The following RSU1 variants were observed in gnomAD, a reference collection of about 807,000 sequenced individuals.
The protein encoded by RSU1 is Ras suppressor protein 1, also known as rsu-1.
Under a neutral mutation model 31.1 loss-of-function variants are expected in RSU1, and 26 were observed. The ratio of observed to expected loss-of-function variants is 0.84; its 90% confidence interval spans 0.61 to 1.16. The LOEUF is 1.16. RSU1 is among the 50% of genes most tolerant of loss of function. RSU1 has a pLI of 0.00. For missense variants in RSU1, 320 were observed against 339.1 expected (o/e 0.94, Z 0.44); for synonymous variants, 164 against 136.3 (o/e 1.20, Z -1.41).
chr10:16,627,756 T>C (rs1441017916), intron 8 of RSU1, among the ~76,000 whole-genome samples: 1 of 97,612 alleles, frequency 1.0e-5, no homozygotes, highest in East Asian at 2.7e-4. Context: ...AAACTCCATC[T>C]CAATACAAAA....
intron 7 of RSU1, among the ~76,000 whole-genome samples, chr10:16,695,721 C>G (rs1308249426): frequency 6.6e-6 from 1 of 152,188 alleles, no homozygotes; most frequent in Non-Finnish European, 1.5e-5. Flanking sequence ...AAAATCATTC[C>G]TCATTTCATT....
intron 8 of RSU1, among the ~76,000 whole-genome samples, chr10:16,664,637 C>T (rs186269539): frequency 4.6e-4 from 70 of 152,304 alleles, no homozygotes; most frequent in Admixed American, 1.2e-3. Context: ...ATGGGAACTA[C>T]ACTTTTTACC....
At chr10:16,789,524 C>G (rs1837868479) in intron 2 of RSU1, among the ~76,000 whole-genome samples, 1 of 152,194 alleles carries the variant, frequency 6.6e-6, no homozygotes, top group Non-Finnish European at 1.5e-5. Context: ...CTCCTTTCCA[C>G]TCGGGAATGG....
chr10:16,679,855 C>T (rs998038984), intron 8 of RSU1, among the ~76,000 whole-genome samples: 1 of 138,708 alleles, frequency 7.2e-6, no homozygotes, highest in Admixed American at 7.5e-5. Flanking sequence ...TCATCTGGCA[C>T]AATAAAGACT....
chr10:16,645,282 T>C (rs919075893), intron 8 of RSU1, among the ~76,000 whole-genome samples: 1 of 152,214 alleles, frequency 6.6e-6, no homozygotes, highest in Non-Finnish European at 1.5e-5. Context: ...GTATTCATTC[T>C]AGGTGAGATT....
At chr10:16,596,080 TG>T (rs1200013259) in intron 8 of RSU1, among the ~76,000 whole-genome samples, 3 of 152,146 alleles carry the variant, frequency 2.0e-5, no homozygotes, top group African/African-American at 4.8e-5. Context: ...CATGGGCACC[TG>T]GGGGTCCTGG....
intron 8 of RSU1, among the ~76,000 whole-genome samples, chr10:16,660,871 T>A (rs1445533362): frequency 6.6e-6 from 1 of 152,050 alleles, no homozygotes; most frequent in African/African-American, 2.4e-5. Flanking sequence ...GTCCTCGAAC[T>A]CCTGGCCTCA....
At chr10:16,700,173 A>C (rs1835760738) in intron 7 of RSU1, among the ~76,000 whole-genome samples, 1 of 152,184 alleles carries the variant, frequency 6.6e-6, no homozygotes, top group Admixed American at 6.5e-5. Flanking sequence ...ATCACATAGT[A>C]AGCAATCGAG....
intron 8 of RSU1, among the ~76,000 whole-genome samples, chr10:16,598,423 ACCTGTAGTC>A (rs1421840919): frequency 2.0e-5 from 3 of 151,842 alleles, no homozygotes; most frequent in African/African-American, 7.3e-5. Flanking sequence ...GGTGGAGCAC[ACCTGTAGTC>A]CCAGCTACTT....
At chr10:16,620,948 G>C (rs1221031283) in intron 8 of RSU1, among the ~76,000 whole-genome samples, 2 of 152,076 alleles carry the variant, frequency 1.3e-5, no homozygotes, top group Non-Finnish European at 2.9e-5. Flanking sequence ...GGGCAGTCCT[G>C]AAACCAGAAT....
chr10:16,624,545 C>G (rs1253088974), intron 8 of RSU1, among the ~76,000 whole-genome samples: 1 of 152,172 alleles, frequency 6.6e-6, no homozygotes, highest in Non-Finnish European at 1.5e-5. Flanking sequence ...GTATGATACC[C>G]TCCCATCACT....
At chr10:16,640,221 G>GT (rs1445023889) in intron 8 of RSU1, among the ~76,000 whole-genome samples, 12 of 152,232 alleles carry the variant, frequency 7.9e-5, no homozygotes, top group African/African-American at 2.9e-4. Flanking sequence ...TTTAGATCCT[G>GT]TATTTATTTT....
chr10:16,642,564 T>G (rs999241861), intron 8 of RSU1, among the ~76,000 whole-genome samples: 3 of 152,188 alleles, frequency 2.0e-5, no homozygotes, highest in Non-Finnish European at 2.9e-5. Flanking sequence ...TCTTTTAATA[T>G]GGTAGGTAAA....
intron 2 of RSU1, among the ~76,000 whole-genome samples, chr10:16,811,117 C>G (rs1339340726): frequency 6.6e-6 from 1 of 151,292 alleles, no homozygotes; most frequent in Non-Finnish European, 1.5e-5. Context: ...TGTATAAAGA[C>G]ACACACACTC....
intron 3 of RSU1, among the ~76,000 whole-genome samples, chr10:16,772,519 GA>G (rs1195792577): frequency 6.6e-6 from 1 of 151,618 alleles, no homozygotes; most frequent in East Asian, 1.9e-4. Flanking sequence ...GCACTGAGAG[GA>G]AAGGAAATGG....
intron 8 of RSU1, among the ~76,000 whole-genome samples, chr10:16,623,203 T>C (rs111393542): frequency 0.012 from 1,896 of 152,324 alleles, 39 homozygotes; most frequent in African/African-American, 0.042. Flanking sequence ...CTGCCTCTAG[T>C]AGCCCTCAGT....
At chr10:16,611,539 T>G (rs1032273189) in intron 8 of RSU1, among the ~76,000 whole-genome samples, 1 of 152,226 alleles carries the variant, frequency 6.6e-6, no homozygotes, top group African/African-American at 2.4e-5. Flanking sequence ...AACTGTTGAT[T>G]TGTTTCCAAA....
rs200740920 is a variant in RSU1 at position 16,695,115 on chromosome 10, T to G, written c.639A>C (p.Ala213=). The stretch of plus-strand genomic sequence containing the variant: ...TGGGGGTCACCCAGGGATTGTTCTC[T>G]GCTTTGAATACCTGCTTCTGGCCAG... The part of the protein sequence containing the change: ...DLTGQKQVFK[A]ENNPWVTPIA... The change falls in exon 8 of 9, where the codon GCA becomes GCC. Residue 213 remains alanine, a synonymous_variant. Coordinates refer to ENST00000345264, the MANE Select transcript of RSU1 (RefSeq NM_012425.4). 11 of 1,552,398 alleles carry G rather than the reference T, an allele frequency of 7.1e-6. No individual in the cohort carries two copies. The highest frequency in any genetic ancestry group is 2.2e-5 in the South Asian group (2 of 89,854).
chr10:16,726,261 A>G (rs912379163), intron 7 of RSU1, among the ~76,000 whole-genome samples: 1 of 148,204 alleles, frequency 6.7e-6, no homozygotes, highest in African/African-American at 2.6e-5. Flanking sequence ...TATCTTAGGA[A>G]CGTATCTTTT....
Sources: allele counts gnomAD v4.1 joint callset (sites outside exome capture counted in the v4.1 genomes callset), GRCh38; gene constraint gnomAD v4.1.1; transcripts MANE v1.5; gene names NCBI Gene and HGNC (gene_info 2026-07-23, HGNC 2026-07-21).